IFT140: variants seen among roughly 807,000 people sequenced by gnomAD.
IFT140 encodes intraflagellar transport protein 140 homolog.
A neutral mutation model predicts 164.6 loss-of-function variants in IFT140; 133 were observed. The ratio of observed to expected loss-of-function variants is 0.81; its 90% confidence interval spans 0.70 to 0.93. The LOEUF is 0.93. Ranked by LOEUF, IFT140 falls within the 40% of genes least tolerant of loss-of-function variation. The pLI is 0.00. For missense variants in IFT140, 2,045 were observed against 1,972.3 expected (o/e 1.04, Z -0.70); for synonymous variants, 860 against 817.3 (o/e 1.05, Z -0.89).
intron 4 of IFT140, among the ~76,000 whole-genome samples, chr16:1,593,289 C>T (rs530772262): frequency 1.8e-4 from 27 of 152,154 alleles, no homozygotes; most frequent in Non-Finnish European, 3.7e-4. Flanking sequence ...TTAGCAACTG[C>T]TATATTTTCA....
chr16:1,575,995 A>C (rs1227078686), intron 13 of IFT140, among the ~76,000 whole-genome samples: 1 of 152,168 alleles, frequency 6.6e-6, no homozygotes, highest in African/African-American at 2.4e-5. Flanking sequence ...TTCAATAAAG[A>C]TATTTAAAGG....
chr16:1,567,992 A>C (rs955803424), intron 15 of IFT140, among the ~76,000 whole-genome samples: 3 of 152,234 alleles, frequency 2.0e-5, no homozygotes, highest in Non-Finnish European at 4.4e-5. Context: ...AGAAGATGGC[A>C]GGTCGGGGAG....
chr16:1,586,256 G>A lies in IFT140; in HGVS notation c.1029C>T (p.Thr343=), dbSNP rs556379159. 27 of 1,613,172 alleles carry A rather than the reference G, an allele frequency of 1.7e-5. No individual in the cohort carries two copies. The highest frequency in any genetic ancestry group is 2.2e-5 in the East Asian group (1 of 44,862). The change falls in exon 10 of 31, where the codon ACC becomes ACT. Residue 343 remains threonine (T), a synonymous_variant. Coordinates refer to ENST00000426508, the MANE Select transcript of IFT140 (RefSeq NM_014714.4). ...CKVKGLLAAG[T]DRGRVAMWRK... is the part of the protein sequence containing the mutation. ...TCCACATGGCTACTCGCCCTCTGTCGGTACCAGCGGCCAGAAGACCTACAG... is the reference window on the plus strand; with the variant it reads ...TCCACATGGCTACTCGCCCTCTGTCAGTACCAGCGGCCAGAAGACCTACAG...
chr16:1,516,585 C>T (rs9932727), intron 30 of IFT140, among the ~76,000 whole-genome samples: 36,527 of 151,572 alleles, frequency 0.24, 4,983 homozygotes, highest in African/African-American at 0.37. Context: ...CTGGCTAACA[C>T]GGTGAAACCC....
intron 19 of IFT140, among the ~76,000 whole-genome samples, chr16:1,555,919 T>G (rs1052511381): frequency 2.6e-5 from 4 of 151,958 alleles, no homozygotes; most frequent in African/African-American, 9.7e-5. Flanking sequence ...CTGGCCAACA[T>G]AGTGAAACCC....
chr16:1,590,580 A>G (rs1288818534), intron 6 of IFT140, among the ~76,000 whole-genome samples: 1 of 152,014 alleles, frequency 6.6e-6, no homozygotes, highest in Non-Finnish European at 1.5e-5. Context: ...CCCAGCCTGG[A>G]ATCCCCCTCT....
chr16:1,599,110 C>T (rs1329551553), intron 4 of IFT140, among the ~76,000 whole-genome samples: 8 of 86,146 alleles, frequency 9.3e-5, no homozygotes, highest in Non-Finnish European at 1.3e-4. Context: ...GCCGAGACCC[C>T]GTCTGGGAGG....
chr16:1,544,946 C>A (rs898699425), intron 19 of IFT140, among the ~76,000 whole-genome samples: 9 of 152,232 alleles, frequency 5.9e-5, no homozygotes, highest in Non-Finnish European at 1.2e-4. Context: ...CGGCACCCGG[C>A]CCAGATCACT....
chr16:1,563,535 C>T (rs1242637454), intron 17 of IFT140, among the ~76,000 whole-genome samples: 1 of 151,994 alleles, frequency 6.6e-6, no homozygotes, highest in Non-Finnish European at 1.5e-5. Flanking sequence ...CAAAAAAATG[C>T]CATTCAGGTC....
chr16:1,513,569 C>A (rs980264151), intron 30 of IFT140, among the ~76,000 whole-genome samples: 27 of 152,276 alleles, frequency 1.8e-4, no homozygotes, highest in Non-Finnish European at 3.1e-4. Context: ...CAGCCCTCCC[C>A]CTAATGACGA....
chr16:1,592,119 C>A, intron 6 of IFT140, 57 bp downstream of exon 6: 3 of 1,591,046 alleles, frequency 1.9e-6, no homozygotes, highest in Non-Finnish European at 1.7e-6. Context: ...TTTAAAATCC[C>A]TACCAGACAC....
intron 13 of IFT140, chr16:1,580,533 T>G: frequency 2.3e-6 from 1 of 435,292 alleles, no homozygotes; most frequent in Non-Finnish European, 4.2e-6. Flanking sequence ...CCACCAGGAT[T>G]GTAAGTTTCC....
At chr16:1,539,718 C>T (rs910076399) in intron 19 of IFT140, among the ~76,000 whole-genome samples, 3 of 152,228 alleles carry the variant, frequency 2.0e-5, no homozygotes, top group Non-Finnish European at 2.9e-5. Flanking sequence ...GAAAAATGAG[C>T]GAGGGGCAGC....
chr16:1,541,904 C>T, intron 19 of IFT140: 2 of 1,575,370 alleles, frequency 1.3e-6, no homozygotes, highest in Non-Finnish European at 1.7e-6. Flanking sequence ...CACTGCCTCT[C>T]TGCTCTTGGC....
intron 3 of IFT140, 99 bp downstream of exon 3, chr16:1,607,021 G>T (rs78322178): frequency 8.5e-7 from 1 of 1,180,338 alleles, no homozygotes; most frequent in South Asian, 1.4e-5. Flanking sequence ...CACACCCATA[G>T]GCACACACAC....
At chr16:1,605,194 T>C (rs1467543428) in intron 3 of IFT140, among the ~76,000 whole-genome samples, 1 of 152,008 alleles carries the variant, frequency 6.6e-6, no homozygotes, top group Non-Finnish European at 1.5e-5. Flanking sequence ...GGCAAAGCCA[T>C]GGAGGCCGGG....
intron 4 of IFT140, among the ~76,000 whole-genome samples, chr16:1,597,060 T>C (rs2035499479): frequency 6.6e-6 from 1 of 152,070 alleles, no homozygotes; most frequent in South Asian, 2.1e-4. Flanking sequence ...TGGGGGTGCA[T>C]CACGGCATCA....
chr16:1,568,965 T>A (rs1180641957), intron 14 of IFT140, among the ~76,000 whole-genome samples: 1 of 152,006 alleles, frequency 6.6e-6, no homozygotes, highest in Non-Finnish European at 1.5e-5. Flanking sequence ...TCTAGTTTGT[T>A]GCTGACATAA....
intron 22 of IFT140, 107 bp downstream of exon 22, chr16:1,525,124 C>T: frequency 1.7e-6 from 2 of 1,181,874 alleles, no homozygotes; most frequent in Non-Finnish European, 2.5e-6. Flanking sequence ...GGACGCTGCC[C>T]ACTCGTGCAG....
Sources: allele counts gnomAD v4.1 joint callset (sites outside exome capture counted in the v4.1 genomes callset), GRCh38; gene constraint gnomAD v4.1.1; transcripts MANE v1.5; gene names NCBI Gene and HGNC (gene_info 2026-07-23, HGNC 2026-07-21).